The following GLYATL2 variants were observed in gnomAD, a reference collection of about 807,000 sequenced individuals.
GLYATL2 encodes glycine-N-acyltransferase like 2.
Under a neutral mutation model 21.4 loss-of-function variants are expected in GLYATL2, and 25 were observed. The observed-to-expected ratio is 1.17, with a 90% CI of 0.85 to 1.63. The LOEUF (loss-of-function observed/expected upper bound fraction) is 1.63. GLYATL2 is among the 40% of genes most tolerant of loss of function. GLYATL2 has a pLI of 0.00. For synonymous variants in GLYATL2, 114 were observed against 118.2 expected (o/e 0.96, Z 0.23); for missense variants, 361 against 343.3 (o/e 1.05, Z -0.41).
intron 1 of GLYATL2, among the ~76,000 whole-genome samples, chr11:58,851,783 T>A (rs188757584): frequency 6.6e-6 from 1 of 152,230 alleles, no homozygotes; most frequent in Admixed American, 6.5e-5. Context: ...TTCTAAATCA[T>A]CACAGGGGAG....
intron 1 of GLYATL2, among the ~76,000 whole-genome samples, chr11:58,861,939 C>A (rs1853938945): frequency 6.6e-6 from 1 of 151,976 alleles, no homozygotes. Flanking sequence ...TGCTTTGTGT[C>A]CTAACATTTG....
Position 58,896,730 on chromosome 11 carries a change from G to GTTTGTTTTGTTTTGT in GLYATL2, n.60+7411_60+7425dup, listed in dbSNP as rs10670699. ...TTCTGTCGTTTTCAAACTTAAACGTGTTTGTTTTGTTTTGTTTTTATTTTA... is the reference window on the plus strand; with the variant it reads ...TTCTGTCGTTTTCAAACTTAAACGTGTTTGTTTTGTTTTGTTTTGTTTTGTTTTGTTTTTATTTTA... On this transcript the variant is annotated intron_variant and non_coding_transcript_variant, in intron 1 of 4. Transcript: ENST00000533636. Among the ~76,000 whole-genome samples, 3 of 151,708 alleles carry GTTTGTTTTGTTTTGT rather than the reference G, an allele frequency of 2.0e-5. No homozygotes were observed. The South Asian group carries it at 6.2e-4, about 32-fold the overall frequency.
At chr11:58,869,100 C>T (rs1483219456) in intron 1 of GLYATL2, among the ~76,000 whole-genome samples, 4 of 152,114 alleles carry the variant, frequency 2.6e-5, no homozygotes, top group Non-Finnish European at 5.9e-5. Flanking sequence ...TTGAGCCCAA[C>T]CAATGGAGAG....
intron 1 of GLYATL2, among the ~76,000 whole-genome samples, chr11:58,871,656 G>A (rs1038540388): frequency 2.6e-5 from 4 of 151,992 alleles, no homozygotes; most frequent in African/African-American, 9.7e-5. Context: ...GTGTATATGT[G>A]CCACATTTTC....
intron 1 of GLYATL2, among the ~76,000 whole-genome samples, chr11:58,857,923 C>CA (rs1431398744): frequency 7.1e-6 from 1 of 140,558 alleles, no homozygotes; most frequent in African/African-American, 2.8e-5. Flanking sequence ...ACAAGCAAAA[C>CA]AAACAAACAA....
At position 58,837,055 on chromosome 11, in the gene GLYATL2, T is replaced by C; in HGVS notation, c.436A>G (p.Asn146Asp). 1 of 1,613,842 alleles carries C rather than the reference T, an allele frequency of 6.2e-7. No individual in the cohort carries two copies. The highest frequency in any genetic ancestry group is 8.5e-7 in the Non-Finnish European group (1 of 1,179,782). ...ACTTCAAATAACTCCATCTTGTCAT[T>C]ACTTGAGGTCTTGTGTTTCTTTGGT... ...ELPKKHKTSS[N>D]DKMELFEVDD... is the part of the protein sequence containing the mutation. Residue 146 changes from asparagine to aspartate, a missense_variant, in exon 5 of 6, where the codon AAT becomes GAT. Transcript: ENST00000287275.
chr11:58,840,886 T>TAAAAAC (rs1853537808), intron 1 of GLYATL2: 2 of 77,814 alleles, frequency 2.6e-5, no homozygotes, highest in African/African-American at 9.0e-5. Flanking sequence ...AAAATAAAAA[T>TAAAAAC]TAAAAAAATA....
At chr11:58,840,170 G>A (rs1044796260) in intron 1 of GLYATL2, among the ~76,000 whole-genome samples, 1 of 151,922 alleles carries the variant, frequency 6.6e-6, no homozygotes, top group Admixed American at 6.6e-5. Flanking sequence ...CAAAACCATA[G>A]GAAGAAAAAA....
At chr11:58,906,973 A>T (rs1318420523), upstream of GLYATL2, among the ~76,000 whole-genome samples, 1 of 152,168 alleles carries the variant, frequency 6.6e-6, no homozygotes, top group Non-Finnish European at 1.5e-5. Context: ...ATCCTTTTTT[A>T]AAAAGCTCAG....
intron 1 of GLYATL2, among the ~76,000 whole-genome samples, chr11:58,872,291 A>G (rs1854136961): frequency 2.0e-5 from 3 of 152,326 alleles, no homozygotes; most frequent in South Asian, 2.1e-4. Flanking sequence ...TAGTTTAATT[A>G]GATCCCATTT....
chr11:58,870,002 G>A (rs1305550409), intron 1 of GLYATL2, among the ~76,000 whole-genome samples: 1 of 152,088 alleles, frequency 6.6e-6, no homozygotes, highest in Non-Finnish European at 1.5e-5. Flanking sequence ...CAGCTAATCC[G>A]GAGACTGAGG....
chr11:58,848,744 G>A (rs1485220623), upstream of GLYATL2, among the ~76,000 whole-genome samples: 1 of 146,706 alleles, frequency 6.8e-6, no homozygotes, highest in African/African-American at 2.5e-5. Context: ...AAGAATTATT[G>A]GCCTTAAAGA....
chr11:58,848,141 G>A (rs1398800626), upstream of GLYATL2, among the ~76,000 whole-genome samples: 1 of 151,798 alleles, frequency 6.6e-6, no homozygotes, highest in South Asian at 2.1e-4. Flanking sequence ...CAGTATTACT[G>A]GGCTTGGGAT....
At chr11:58,870,399 A>G (rs1375011087) in intron 1 of GLYATL2, among the ~76,000 whole-genome samples, 1 of 152,098 alleles carries the variant, frequency 6.6e-6, no homozygotes, top group African/African-American at 2.4e-5. Context: ...AGTCATGGAG[A>G]ACTTAGAGGG....
At chr11:58,903,294 A>G (rs1226124607) in intron 1 of GLYATL2, among the ~76,000 whole-genome samples, 4 of 152,196 alleles carry the variant, frequency 2.6e-5, no homozygotes, top group African/African-American at 9.7e-5. Context: ...GAATCTGGGA[A>G]ACAAGGCAGG....
chr11:58,872,041 T>G (rs529265177), intron 1 of GLYATL2, among the ~76,000 whole-genome samples: 1 of 152,386 alleles, frequency 6.6e-6, no homozygotes, highest in Admixed American at 6.5e-5. Flanking sequence ...CCAGTGATGA[T>G]GAGCATTTTT....
intron 1 of GLYATL2, among the ~76,000 whole-genome samples, chr11:58,869,857 A>T (rs1354376239): frequency 1.3e-5 from 2 of 152,210 alleles, no homozygotes; most frequent in Non-Finnish European, 2.9e-5. Flanking sequence ...TTAAGGTACC[A>T]GAGTTTAGCA....
At chr11:58,870,232 A>G (rs1201136749) in intron 1 of GLYATL2, among the ~76,000 whole-genome samples, 2 of 152,198 alleles carry the variant, frequency 1.3e-5, no homozygotes, top group Non-Finnish European at 1.5e-5. Flanking sequence ...CTTTTAGGTG[A>G]AGACTTAAAG....
chr11:58,839,937 A>G (rs1003636621), intron 1 of GLYATL2, among the ~76,000 whole-genome samples: 17 of 152,210 alleles, frequency 1.1e-4, no homozygotes, highest in Non-Finnish European at 1.6e-4. Flanking sequence ...CCAGTAAAAG[A>G]ATATGGAGAG....
Sources: allele counts gnomAD v4.1 joint callset (sites outside exome capture counted in the v4.1 genomes callset), GRCh38; gene constraint gnomAD v4.1.1; transcripts MANE v1.5; gene names NCBI Gene and HGNC (gene_info 2026-07-23, HGNC 2026-07-21).